RBFOX1: variants seen among roughly 807,000 people sequenced by gnomAD.
RBFOX1 encodes the protein RNA binding fox-1 homolog 1.
RBFOX1 carries 8 observed loss-of-function variants against 57.7 expected under a neutral mutation model. The ratio of observed to expected loss-of-function variants is 0.14; its 90% CI spans 0.08 to 0.25. The LOEUF (loss-of-function observed/expected upper bound fraction) is 0.25. RBFOX1 is among the 10% of genes least tolerant of loss of function. The pLI is 1.00. For missense variants in RBFOX1, 611 were observed against 548.5 expected, an observed-to-expected ratio of 1.11 and a Z score of -1.14; for synonymous variants, 326 against 222.4, an observed-to-expected ratio of 1.47 and a Z score of -4.15.
At chr16:7,267,332 G>T (rs185705372) in intron 4 of RBFOX1, among the ~76,000 whole-genome samples, 48 of 151,162 alleles carry the variant, frequency 3.2e-4, no homozygotes, top group Non-Finnish European at 4.9e-4. Flanking sequence ...GTCGGCAGTT[G>T]GAGACCAGCC....
intron 3 of RBFOX1, among the ~76,000 whole-genome samples, chr16:7,001,435 T>C (rs202095457): frequency 1.3e-5 from 2 of 151,110 alleles, no homozygotes; most frequent in Non-Finnish European, 2.9e-5. Context: ...TATATGTATA[T>C]GTATATGTAT....
At chr16:6,584,670 G>C (rs2097582297) in intron 2 of RBFOX1, among the ~76,000 whole-genome samples, 1 of 151,954 alleles carries the variant, frequency 6.6e-6, no homozygotes, top group Non-Finnish European at 1.5e-5. Context: ...TGCCCGGCCT[G>C]TGTTTTCTTT....
At chr16:5,641,142 A>AAT (rs1192148778) in intron 3 of RBFOX1, among the ~76,000 whole-genome samples, 2 of 148,824 alleles carry the variant, frequency 1.3e-5, no homozygotes, top group African/African-American at 4.9e-5. Flanking sequence ...GCACACCATG[A>AAT]ATACACACAC....
chr16:5,877,043 A>G (rs1230547038), intron 4 of RBFOX1, among the ~76,000 whole-genome samples: 3 of 152,202 alleles, frequency 2.0e-5, no homozygotes, highest in Non-Finnish European at 2.9e-5. Context: ...GCAAAGATTT[A>G]TAAAGGGTCA....
rs1029358742 is a variant in RBFOX1 at position 7,688,268 on chromosome 16, A to T, written c.995+11430A>T. On this transcript the variant is annotated intron_variant, in intron 14 of 15. Coordinates refer to ENST00000550418, the MANE Select transcript of RBFOX1 (RefSeq NM_018723.4). ...GTGTGTGTGTGTGTGTGTGAGAGAG[A>T]GAGAGAGAGAGAGAGATTCAATATT... 2.0e-3 allele frequency among the ~76,000 whole-genome samples: 291 copies of T among 142,988 alleles called. 1 individual carries two copies. Among genetic ancestry groups the T allele is most frequent in the African/African-American group, 2.3e-3 (89 of 38,034 alleles). 93.8% of individuals were successfully genotyped at this position (142,988 alleles called of 152,430 possible).
At chr16:5,246,763 C>A (rs1161601796) in intron 1 of RBFOX1, among the ~76,000 whole-genome samples, 3 of 151,926 alleles carry the variant, frequency 2.0e-5, no homozygotes, top group Non-Finnish European at 2.9e-5. Context: ...CTTGGCCTCC[C>A]AAGCTCAATC....
intron 2 of RBFOX1, among the ~76,000 whole-genome samples, chr16:6,346,124 C>T (rs564153326): frequency 6.6e-6 from 1 of 152,254 alleles, no homozygotes; most frequent in South Asian, 2.1e-4. Flanking sequence ...TAAGCATTTC[C>T]CAGCTTGACT....
At chr16:6,444,175 T>G (rs1415121988) in intron 2 of RBFOX1, among the ~76,000 whole-genome samples, 1 of 152,114 alleles carries the variant, frequency 6.6e-6, no homozygotes, top group African/African-American at 2.4e-5. Context: ...TTTCTTTACT[T>G]GGTTTTGTCA....
chr16:7,564,756 T>G (rs1378289488), intron 5 of RBFOX1, among the ~76,000 whole-genome samples: 4 of 151,946 alleles, frequency 2.6e-5, no homozygotes, highest in Non-Finnish European at 5.9e-5. Context: ...GCTGTCTCCT[T>G]TACTGATGTG....
At chr16:7,394,235 C>CAAAAAAAAAA (rs59934126) in intron 4 of RBFOX1, among the ~76,000 whole-genome samples, 9 of 55,026 alleles carry the variant, frequency 1.6e-4, no homozygotes, top group East Asian at 5.9e-4. Context: ...GACTCCGCAT[C>CAAAAAAAAAA]AAAAAAAAAA....
At chr16:7,051,038 TC>T (rs1287914415) in intron 3 of RBFOX1, among the ~76,000 whole-genome samples, 3 of 152,190 alleles carry the variant, frequency 2.0e-5, no homozygotes, top group Non-Finnish European at 4.4e-5. Context: ...AAAAGTTGGT[TC>T]CTAAACCTTC....
intron 4 of RBFOX1, among the ~76,000 whole-genome samples, chr16:7,187,811 G>A (rs1033101408): frequency 1.3e-5 from 2 of 149,934 alleles, no homozygotes; most frequent in African/African-American, 4.9e-5. Flanking sequence ...TCTTAATGGT[G>A]AGAAATTAGA....
intron 3 of RBFOX1, among the ~76,000 whole-genome samples, chr16:6,803,070 G>A (rs1304794181): frequency 6.6e-6 from 1 of 152,100 alleles, no homozygotes; most frequent in African/African-American, 2.4e-5. Flanking sequence ...GTTACTTTGT[G>A]TGTGTGTTTA....
chr16:6,995,653 A>C (rs1329131541), intron 3 of RBFOX1, among the ~76,000 whole-genome samples: 1 of 152,086 alleles, frequency 6.6e-6, no homozygotes, highest in Admixed American at 6.6e-5. Context: ...CCAGCTACTC[A>C]GAAGGCTGAG....
intron 2 of RBFOX1, among the ~76,000 whole-genome samples, chr16:5,535,829 C>T (rs754913409): frequency 6.6e-5 from 10 of 152,150 alleles, no homozygotes; most frequent in African/African-American, 7.2e-5. Flanking sequence ...AAAGACTTGT[C>T]GACAGACATT....
intron 1 of RBFOX1, among the ~76,000 whole-genome samples, chr16:5,294,368 G>A (rs1008532817): frequency 2.6e-5 from 4 of 152,192 alleles, no homozygotes; most frequent in Admixed American, 1.3e-4. Flanking sequence ...GCTGATTGTG[G>A]TGTGCAGCTG....
At position 5,260,206 on chromosome 16, in the gene RBFOX1, G is replaced by A. The variant is rs141155246; in HGVS notation, c.219+20101G>A. Among the ~76,000 whole-genome samples the A allele has an allele frequency of 3.4e-3, 511 of 152,082 alleles. 5 individuals carry two copies. Among genetic ancestry groups the A allele is most frequent in the African/African-American group, 0.011 (452 of 41,480 alleles). On this transcript the variant is annotated intron_variant, in intron 1 of 2. Coordinates refer to the RBFOX1 transcript ENST00000585867. ...CGATTGTTTAACCACCACCAAAATG[G>A]GTTCTGAGTCCAAATATTAATATGA...
chr16:5,334,336 C>G (rs1596553196), intron 1 of RBFOX1, among the ~76,000 whole-genome samples: 1 of 152,010 alleles, frequency 6.6e-6, no homozygotes, highest in Non-Finnish European at 1.5e-5. Flanking sequence ...AGGCTGATGC[C>G]CTTTGGGTTG....
intron 3 of RBFOX1, among the ~76,000 whole-genome samples, chr16:5,822,245 G>C (rs2055882347): frequency 6.6e-6 from 1 of 152,138 alleles, no homozygotes; most frequent in South Asian, 2.1e-4. Flanking sequence ...AGGATGCAAA[G>C]GCATAAGAAT....
Sources: gnomAD v4.1 joint callset for allele counts (sites outside exome capture counted in the v4.1 genomes callset) on GRCh38, gnomAD v4.1.1 for gene constraint, MANE v1.5 for transcripts, NCBI Gene and HGNC (gene_info 2026-07-23, HGNC 2026-07-21) for gene names.